Variants in TMEM116 observed in about 807,000 individuals in gnomAD.
The protein encoded by TMEM116 is transmembrane protein 116.
TMEM116 carries 38 observed loss-of-function variants against 44.3 expected under a neutral mutation model. That is an observed-to-expected ratio of 0.86 (90% CI 0.66 to 1.12). TMEM116 has a LOEUF of 1.12. Among genes scored for constraint, TMEM116 ranks in the 50% most tolerant of loss-of-function variants. The probability of loss-of-function intolerance (pLI) is 0.00; values close to 1 mark genes in which losing one functional copy is unlikely to be tolerated. For synonymous variants in TMEM116, 132 were observed against 144.8 expected (o/e 0.91, Z 0.64); for missense variants, 354 against 401.7 (o/e 0.88, Z 1.01).
intron 3 of TMEM116, among the ~76,000 whole-genome samples, chr12:111,998,507 G>C (rs556435010): frequency 6.6e-6 from 1 of 152,158 alleles, no homozygotes; most frequent in Non-Finnish European, 1.5e-5. Flanking sequence ...ATAACATTCT[G>C]ATCATTAATT....
intron 6 of TMEM116, 146 bp from the exon 7 acceptor site, chr12:111,937,389 TCA>T: frequency 3.0e-6 from 2 of 656,064 alleles, no homozygotes; most frequent in Non-Finnish European, 5.4e-6. Flanking sequence ...GAAAAATACC[TCA>T]AATACCTTAG....
intron 4 of TMEM116, among the ~76,000 whole-genome samples, chr12:111,966,599 TA>T (rs1389544280): frequency 1.3e-5 from 2 of 152,324 alleles, no homozygotes; most frequent in East Asian, 3.9e-4. Flanking sequence ...TCATAACTCG[TA>T]AAAGAGGTGT....
At chr12:111,960,383 T>A (rs2074485400) in intron 4 of TMEM116, among the ~76,000 whole-genome samples, 1 of 149,362 alleles carries the variant, frequency 6.7e-6, no homozygotes, top group East Asian at 2.0e-4. Context: ...TACCAGCTAC[T>A]TGGAAGGCTG....
chr12:111,937,132 G>A, intron 7 of TMEM116, 28 bp downstream of exon 7: 2 of 1,579,730 alleles, frequency 1.3e-6, no homozygotes, highest in Admixed American at 1.7e-5. Flanking sequence ...AGTCTGCCAT[G>A]AAAATTATAC....
chr12:111,991,217 C>CAAAAA, intron 4 of TMEM116, among the ~76,000 whole-genome samples: 1 of 62,828 alleles, frequency 1.6e-5, no homozygotes, highest in Non-Finnish European at 3.3e-5. Flanking sequence ...GACTCTGTCT[C>CAAAAA]AAAAAAAAAA....
chr12:111,991,956 T>C, intron 3 of TMEM116, 67 bp from the exon 4 acceptor site: 3 of 1,439,952 alleles, frequency 2.1e-6, no homozygotes, highest in Non-Finnish European at 2.8e-6. Flanking sequence ...AATGTAACAG[T>C]TCTTACATTT....
intron 3 of TMEM116, among the ~76,000 whole-genome samples, chr12:111,995,476 G>GCT (rs1241142601): frequency 6.6e-6 from 1 of 152,074 alleles, no homozygotes. Flanking sequence ...GGGCATGGTG[G>GCT]CTCACGTCTG....
chr12:111,966,427 TTAGA>T (rs969986935), intron 4 of TMEM116, among the ~76,000 whole-genome samples: 9 of 152,278 alleles, frequency 5.9e-5, no homozygotes, highest in South Asian at 4.1e-4. Flanking sequence ...TACTGTCAAC[TTAGA>T]TAGGTCAACA....
At chr12:111,935,805 TA>T (rs1487135225) in intron 8 of TMEM116, 1 of 152,178 alleles carries the variant, frequency 6.6e-6, no homozygotes, top group Non-Finnish European at 1.5e-5. Flanking sequence ...CATGCCTGGC[TA>T]ATTTTTGTAT....
At chr12:111,960,422 G>A (rs1215331988) in intron 4 of TMEM116, among the ~76,000 whole-genome samples, 2 of 147,488 alleles carry the variant, frequency 1.4e-5, no homozygotes, top group African/African-American at 5.1e-5. Flanking sequence ...AACCCGGGAG[G>A]CAGAGCTTGC....
chr12:111,964,324 C>G (rs1386596102), intron 4 of TMEM116, among the ~76,000 whole-genome samples: 2 of 151,770 alleles, frequency 1.3e-5, no homozygotes, highest in African/African-American at 4.8e-5. Context: ...TGCCTGTAGT[C>G]CCAGCTACTT....
chr12:111,992,773 A>G (rs1395278560), intron 3 of TMEM116, among the ~76,000 whole-genome samples: 2 of 152,326 alleles, frequency 1.3e-5, no homozygotes, highest in Non-Finnish European at 2.9e-5. Flanking sequence ...TGGCATCCCC[A>G]TTCCCACTTA....
intron 4 of TMEM116, among the ~76,000 whole-genome samples, chr12:111,955,719 C>T (rs1317522678): frequency 1.3e-5 from 2 of 152,032 alleles, no homozygotes; most frequent in African/African-American, 4.8e-5. Context: ...CAACAGCAGA[C>T]CGCATATAAG....
chr12:111,959,771 T>C (rs1181329654), intron 4 of TMEM116, among the ~76,000 whole-genome samples: 3 of 152,158 alleles, frequency 2.0e-5, no homozygotes, highest in Admixed American at 6.5e-5. Context: ...GGGCATTACA[T>C]AATGGTAAAG....
intron 5 of TMEM116, among the ~76,000 whole-genome samples, chr12:111,939,604 C>G (rs1188830891): frequency 1.3e-5 from 2 of 151,018 alleles, no homozygotes; most frequent in Non-Finnish European, 3.0e-5. Flanking sequence ...TCGAGACTAG[C>G]CTAGGCAACA....
chr12:111,965,808 T>G (rs768296241), intron 4 of TMEM116: 4 of 319,888 alleles, frequency 1.3e-5, no homozygotes, highest in Non-Finnish European at 2.5e-5. Flanking sequence ...TGGTGGCGTA[T>G]GCCTGTAGTC....
intron 8 of TMEM116, chr12:111,934,562 C>G (rs1274991710): frequency 6.6e-6 from 1 of 152,272 alleles, no homozygotes; most frequent in Non-Finnish European, 1.5e-5. Flanking sequence ...GAGTTCAAGA[C>G]AGCCTGACCA....
At chr12:111,987,534 G>A (rs564466705) in intron 4 of TMEM116, among the ~76,000 whole-genome samples, 1 of 150,776 alleles carries the variant, frequency 6.6e-6, no homozygotes, top group South Asian at 2.1e-4. Flanking sequence ...AGGGGGAAAG[G>A]ACTTGAAGAG....
intron 1 of TMEM116, among the ~76,000 whole-genome samples, chr12:112,006,825 T>C (rs1764378948): frequency 6.6e-6 from 1 of 152,248 alleles, no homozygotes; most frequent in Admixed American, 6.5e-5. Flanking sequence ...CATCTAGCCA[T>C]AATTTCATAT....
Sources: gnomAD v4.1 joint callset for allele counts (sites outside exome capture counted in the v4.1 genomes callset) on GRCh38, gnomAD v4.1.1 for gene constraint, MANE v1.5 for transcripts, NCBI Gene and HGNC (gene_info 2026-07-23, HGNC 2026-07-21) for gene names.